Variants in RBFOX1 observed in about 807,000 individuals in gnomAD.
RBFOX1 encodes RNA binding fox-1 homolog 1.
Under a neutral mutation model 57.7 loss-of-function variants are expected in RBFOX1, and 8 were observed. The observed-to-expected ratio is 0.14, with a 90% CI of 0.08 to 0.25. The LOEUF is 0.25. Among genes scored for constraint, RBFOX1 ranks in the 10% least tolerant of loss-of-function variants. The pLI, the probability that RBFOX1 is intolerant of heterozygous loss-of-function variation, is 1.00. For synonymous variants in RBFOX1, 326 were observed against 222.4 expected (o/e 1.47, Z -4.15); for missense variants, 611 against 548.5 (o/e 1.11, Z -1.14).
chr16:6,202,670 G>A (rs973661101), intron 1 of RBFOX1, among the ~76,000 whole-genome samples: 6 of 152,052 alleles, frequency 3.9e-5, no homozygotes, highest in African/African-American at 1.4e-4. Flanking sequence ...AAATTCGGAG[G>A]TAACTATACA....
chr16:6,561,222 C>G (rs1261951798), intron 2 of RBFOX1, among the ~76,000 whole-genome samples: 2 of 152,102 alleles, frequency 1.3e-5, no homozygotes, highest in Non-Finnish European at 2.9e-5. Flanking sequence ...TCCCTGCTGT[C>G]TACTAGGGAA....
intron 2 of RBFOX1, among the ~76,000 whole-genome samples, chr16:6,536,265 G>A (rs1324303242): frequency 2.0e-5 from 3 of 152,120 alleles, no homozygotes; most frequent in Admixed American, 2.0e-4. Flanking sequence ...ATCCTCAAGA[G>A]TCTTTGAATA....
intron 1 of RBFOX1, among the ~76,000 whole-genome samples, chr16:6,276,779 C>T (rs922879984): frequency 6.6e-6 from 1 of 151,806 alleles, no homozygotes; most frequent in African/African-American, 2.4e-5. Flanking sequence ...TATCTGTTTC[C>T]CCACGTGTAT....
chr16:6,623,167 T>C (rs1168890760), intron 2 of RBFOX1, among the ~76,000 whole-genome samples: 2 of 152,126 alleles, frequency 1.3e-5, no homozygotes, highest in Non-Finnish European at 2.9e-5. Flanking sequence ...GAAGCTTACA[T>C]TGTAGTAAGG....
chr16:7,029,733 T>C lies in RBFOX1; in HGVS notation c.-15-22324T>C, dbSNP rs115984306. Among the ~76,000 whole-genome samples the C allele has an allele frequency of 2.6e-3, 402 of 152,318 alleles. 2 individuals are homozygous for C. Among genetic ancestry groups the C allele is most frequent in the African/African-American group, 8.1e-3 (335 of 41,576 alleles). ...TATAGGGTGGTAGCATCTCATGGTG[T>C]AACCACTATTAATGGTTCACTTGTT... On this transcript the variant is annotated intron_variant, in intron 3 of 15. Coordinates refer to ENST00000550418, the MANE Select transcript of RBFOX1 (RefSeq NM_018723.4).
intron 2 of RBFOX1, among the ~76,000 whole-genome samples, chr16:5,553,248 T>C (rs2045533489): frequency 6.6e-6 from 1 of 152,058 alleles, no homozygotes; most frequent in African/African-American, 2.4e-5. Context: ...AACCTGCACC[T>C]TGTACACATG....
intron 2 of RBFOX1, among the ~76,000 whole-genome samples, chr16:6,482,208 T>A (rs184267644): frequency 3.9e-4 from 59 of 152,276 alleles, no homozygotes; most frequent in Admixed American, 2.6e-4. Flanking sequence ...TGATCAAATA[T>A]AGGAGGGATA....
intron 2 of RBFOX1, among the ~76,000 whole-genome samples, chr16:6,451,283 C>G (rs2094616621): frequency 2.6e-5 from 4 of 152,078 alleles, no homozygotes; most frequent in Admixed American, 2.6e-4. Context: ...AGAAGAACAA[C>G]TAATAATTAT....
intron 3 of RBFOX1, among the ~76,000 whole-genome samples, chr16:5,680,296 G>A (rs1317599699): frequency 6.6e-6 from 1 of 152,128 alleles, no homozygotes; most frequent in Non-Finnish European, 1.5e-5. Flanking sequence ...CTTGATGGAG[G>A]AATAAGAAGG....
intron 2 of RBFOX1, among the ~76,000 whole-genome samples, chr16:6,583,042 C>G (rs371292780): frequency 7.9e-5 from 12 of 151,632 alleles, no homozygotes; most frequent in African/African-American, 2.4e-4. Flanking sequence ...CTCTCTCTCT[C>G]TCACCCTTCT....
chr16:6,363,185 G>C (rs55923941), intron 2 of RBFOX1, among the ~76,000 whole-genome samples: 1 of 152,160 alleles, frequency 6.6e-6, no homozygotes. Flanking sequence ...TGAAAATATA[G>C]AAACTGTCAA....
chr16:5,821,288 C>CTTTTTTTTTTTTT (rs748095632), intron 3 of RBFOX1, among the ~76,000 whole-genome samples: 2 of 125,450 alleles, frequency 1.6e-5, no homozygotes, highest in Non-Finnish European at 1.7e-5. Context: ...GTCATTCTCT[C>CTTTTTTTTTTTTT]TTTTTTTATT....
At chr16:6,510,405 G>C (rs1417320827) in intron 2 of RBFOX1, among the ~76,000 whole-genome samples, 1 of 152,152 alleles carries the variant, frequency 6.6e-6, no homozygotes, top group South Asian at 2.1e-4. Flanking sequence ...TGCTCTTGTT[G>C]TTGATGACAC....
chr16:7,446,010 C>G (rs2098804857), intron 4 of RBFOX1, among the ~76,000 whole-genome samples: 1 of 152,164 alleles, frequency 6.6e-6, no homozygotes, highest in African/African-American at 2.4e-5. Context: ...TAATCTCAGC[C>G]TGCCCAACAA....
intron 4 of RBFOX1, among the ~76,000 whole-genome samples, chr16:7,482,607 A>G (rs375730726): frequency 7.1e-6 from 1 of 140,898 alleles, no homozygotes; most frequent in Admixed American, 7.7e-5. Context: ...CCTCGGGTAC[A>G]CAAATTCTGG....
intron 3 of RBFOX1, among the ~76,000 whole-genome samples, chr16:5,851,073 C>G (rs1272436923): frequency 6.6e-6 from 1 of 152,188 alleles, no homozygotes; most frequent in Non-Finnish European, 1.5e-5. Flanking sequence ...TTCCCCAATT[C>G]CCAGGCCTGC....
At chr16:6,310,957 A>C (rs1332977376) in intron 1 of RBFOX1, among the ~76,000 whole-genome samples, 1 of 152,016 alleles carries the variant, frequency 6.6e-6, no homozygotes, top group Non-Finnish European at 1.5e-5. Flanking sequence ...AGTAGTGCAC[A>C]GGCACAGTGT....
At chr16:7,681,737 G>A (rs1219757944) in intron 14 of RBFOX1, among the ~76,000 whole-genome samples, 1 of 151,788 alleles carries the variant, frequency 6.6e-6, no homozygotes, top group African/African-American at 2.4e-5. Flanking sequence ...TTTCCCATGG[G>A]ATAGGATATA....
intron 3 of RBFOX1, among the ~76,000 whole-genome samples, chr16:5,809,964 G>A (rs1366118815): frequency 6.6e-6 from 1 of 152,082 alleles, no homozygotes; most frequent in East Asian, 1.9e-4. Flanking sequence ...AGAAAATGTG[G>A]CACATATACA....
Sources: gnomAD v4.1 joint callset for allele counts (sites outside exome capture counted in the v4.1 genomes callset) on GRCh38, gnomAD v4.1.1 for gene constraint, MANE v1.5 for transcripts, NCBI Gene and HGNC (gene_info 2026-07-23, HGNC 2026-07-21) for gene names.